The following ASTN2 variants were observed in gnomAD, a reference collection of about 807,000 sequenced individuals.
ASTN2 encodes the protein astrotactin-2.
A neutral mutation model predicts 139.8 loss-of-function variants in ASTN2; 54 were observed. That is an observed-to-expected ratio of 0.39 (90% CI 0.31 to 0.48). ASTN2 has a LOEUF of 0.48. Among genes scored for constraint, ASTN2 ranks in the 20% least tolerant of loss-of-function variants. ASTN2 has a pLI of 0.95. For synonymous variants in ASTN2, 756 were observed against 719.5 expected (o/e 1.05, Z -0.81); for missense variants, 1,565 against 1,725.1 (o/e 0.91, Z 1.64).
intron 13 of ASTN2, among the ~76,000 whole-genome samples, chr9:116,775,741 GAGGA>G (rs1564260370): frequency 1.5e-5 from 2 of 137,148 alleles, no homozygotes; most frequent in East Asian, 4.8e-4. Context: ...AAGGGGAAGG[GAGGA>G]AGGAAGGAGG....
intron 13 of ASTN2, among the ~76,000 whole-genome samples, chr9:116,748,213 G>A (rs1232391516): frequency 6.6e-6 from 1 of 152,160 alleles, no homozygotes; most frequent in Non-Finnish European, 1.5e-5. Flanking sequence ...CAGAGAGGAA[G>A]ATTAGCCCTG....
At chr9:116,538,261 AAAGAAAGG>A (rs1206591056) in intron 19 of ASTN2, among the ~76,000 whole-genome samples, 1 of 151,962 alleles carries the variant, frequency 6.6e-6, no homozygotes. Flanking sequence ...AAAAAGACAG[AAAGAAAGG>A]AAGAAAGGAG....
At chr9:117,400,445 T>A (rs1830795414) in intron 1 of ASTN2, among the ~76,000 whole-genome samples, 1 of 151,804 alleles carries the variant, frequency 6.6e-6, no homozygotes, top group African/African-American at 2.4e-5. Flanking sequence ...AGAGATGGAT[T>A]AAAGAGGTCA....
At chr9:117,026,902 T>C (rs925097523) in intron 6 of ASTN2, among the ~76,000 whole-genome samples, 18 of 132,830 alleles carry the variant, frequency 1.4e-4, no homozygotes, top group African/African-American at 4.8e-4. Context: ...ATTTCACAGA[T>C]GCACAAACGA....
intron 16 of ASTN2, among the ~76,000 whole-genome samples, chr9:116,722,549 AG>A (rs112056978): frequency 0.02 from 3,086 of 152,304 alleles, 112 homozygotes; most frequent in African/African-American, 0.071. Flanking sequence ...GCTAGGGTGA[AG>A]GAAGAACTGG....
chr9:117,029,590 G>A lies in ASTN2; in HGVS notation c.1423+10229C>T, dbSNP rs114187777. 6.6e-3 allele frequency among the ~76,000 whole-genome samples: 1,003 copies of A among 152,104 alleles called. 11 individuals carry two copies. Among genetic ancestry groups the A allele is most frequent in the South Asian group, 0.028 (134 of 4,812 alleles). On this transcript the variant is annotated intron_variant, in intron 6 of 22. Coordinates refer to ENST00000313400, the MANE Select transcript of ASTN2 (RefSeq NM_001365068.1). Reference sequence around the variant, plus strand: ...CACCACCACTAAGCTGGAGAAGGCCGGAGATGGTGTTTTATCTGTCTCTCC... The same window carrying A: ...CACCACCACTAAGCTGGAGAAGGCCAGAGATGGTGTTTTATCTGTCTCTCC...
At chr9:116,780,700 C>A (rs369042178) in intron 13 of ASTN2, among the ~76,000 whole-genome samples, 1 of 152,104 alleles carries the variant, frequency 6.6e-6, no homozygotes, top group African/African-American at 2.4e-5. Flanking sequence ...TCCGTTAGTT[C>A]TCTTCATTTC....
chr9:116,811,949 G>A (rs1443562206), intron 12 of ASTN2, among the ~76,000 whole-genome samples: 1 of 152,082 alleles, frequency 6.6e-6, no homozygotes, highest in African/African-American at 2.4e-5. Context: ...GCTTCACAGT[G>A]TATGTTTGAG....
intron 3 of ASTN2, among the ~76,000 whole-genome samples, chr9:117,142,271 C>T (rs1415521001): frequency 6.6e-6 from 1 of 152,064 alleles, no homozygotes; most frequent in African/African-American, 2.4e-5. Flanking sequence ...ACTTTGAAAA[C>T]AATCACTAAC....
intron 7 of ASTN2, among the ~76,000 whole-genome samples, chr9:117,000,398 A>C: frequency 6.6e-6 from 1 of 152,234 alleles, no homozygotes; most frequent in East Asian, 1.9e-4. Flanking sequence ...CATATGAAAG[A>C]ATGAGTTAGT....
intron 3 of ASTN2, among the ~76,000 whole-genome samples, chr9:117,201,407 T>C (rs1831713328): frequency 5.3e-5 from 8 of 151,744 alleles, no homozygotes; most frequent in Admixed American, 5.3e-4. Flanking sequence ...CTCTTGGCTC[T>C]CTAGCTCTTT....
intron 12 of ASTN2, 38 bp from the exon 13 acceptor site, chr9:116,805,858 C>T: frequency 8.1e-6 from 13 of 1,595,884 alleles, no homozygotes; most frequent in Non-Finnish European, 1.1e-5. Context: ...AGCTTCACAT[C>T]CTGAATGCCC....
intron 10 of ASTN2, among the ~76,000 whole-genome samples, chr9:116,936,977 A>C (rs1283737175): frequency 6.6e-6 from 1 of 152,178 alleles, no homozygotes; most frequent in Non-Finnish European, 1.5e-5. Context: ...AGAGGTGTGA[A>C]GGACCCTTCA....
At chr9:116,799,380 C>T (rs1247726549) in intron 13 of ASTN2, among the ~76,000 whole-genome samples, 1 of 152,180 alleles carries the variant, frequency 6.6e-6, no homozygotes, top group African/African-American at 2.4e-5. Context: ...ACAATATGCA[C>T]ATCTGATAAG....
At chr9:116,440,521 C>T in intron 22 of ASTN2, 88 bp downstream of exon 22, 1 of 1,264,504 alleles carries the variant, frequency 7.9e-7, no homozygotes, top group Admixed American at 2.1e-5. Context: ...TTGATAAAGC[C>T]TAGTCTCAGC....
At chr9:116,607,344 C>T (rs945348897) in intron 19 of ASTN2, among the ~76,000 whole-genome samples, 1 of 151,914 alleles carries the variant, frequency 6.6e-6, no homozygotes, top group African/African-American at 2.4e-5. Flanking sequence ...AACTGCCCAC[C>T]CACAAAGTCA....
At chr9:116,607,719 ACAC>A (rs1855285587) in intron 19 of ASTN2, among the ~76,000 whole-genome samples, 1 of 134,668 alleles carries the variant, frequency 7.4e-6, no homozygotes, top group Non-Finnish European at 1.6e-5. Context: ...ACACACACAC[ACAC>A]ACGCTGAAGC....
At chr9:116,619,386 T>C (rs1856009951) in intron 18 of ASTN2, among the ~76,000 whole-genome samples, 1 of 152,096 alleles carries the variant, frequency 6.6e-6, no homozygotes, top group Non-Finnish European at 1.5e-5. Flanking sequence ...GTCTCACCAC[T>C]TGTTGCCTGG....
intron 12 of ASTN2, among the ~76,000 whole-genome samples, chr9:116,818,123 T>G (rs1831387787): frequency 6.6e-6 from 1 of 152,160 alleles, no homozygotes; most frequent in Non-Finnish European, 1.5e-5. Context: ...GAGAATTGAA[T>G]GAGCTAATGT....
Sources: allele counts gnomAD v4.1 joint callset (sites outside exome capture counted in the v4.1 genomes callset), GRCh38; gene constraint gnomAD v4.1.1; transcripts MANE v1.5; gene names NCBI Gene and HGNC (gene_info 2026-07-23, HGNC 2026-07-21).